MORC2: variants seen among roughly 807,000 people sequenced by gnomAD.
MORC2 encodes MORC family CW-type zinc finger 2.
MORC2 carries 30 observed loss-of-function variants against 136.0 expected under a neutral mutation model. The observed-to-expected ratio is 0.22, with a 90% confidence interval of 0.17 to 0.30. MORC2 has a LOEUF of 0.30. Among genes scored for constraint, MORC2 ranks in the 10% least tolerant of loss-of-function variants. The probability of loss-of-function intolerance (pLI) is 1.00; values close to 1 mark genes in which losing one functional copy is unlikely to be tolerated. For missense variants in MORC2, 922 were observed against 1,333.1 expected (o/e 0.69, Z 4.80); for synonymous variants, 439 against 487.0 (o/e 0.90, Z 1.30).
intron 6 of MORC2, among the ~76,000 whole-genome samples, chr22:30,942,540 G>C (rs2040755999): frequency 6.6e-6 from 1 of 152,040 alleles, no homozygotes; most frequent in African/African-American, 2.4e-5. Context: ...GGACGTCCCT[G>C]GTCATTTTCT....
At chr22:30,963,545 C>T (rs1019845402) in intron 1 of MORC2, among the ~76,000 whole-genome samples, 3 of 152,106 alleles carry the variant, frequency 2.0e-5, no homozygotes, top group Admixed American at 6.5e-5. Context: ...CTACCATGCC[C>T]GGCTAATTTT....
At chr22:30,958,805 C>A in intron 1 of MORC2, 111 bp from the exon 2 acceptor site, 1 of 953,372 alleles carries the variant, frequency 1.0e-6, no homozygotes. Context: ...CTTAAAACCA[C>A]CATTTGCATT....
chr22:30,938,497 G>T (rs187669362), intron 12 of MORC2, among the ~76,000 whole-genome samples: 1 of 152,238 alleles, frequency 6.6e-6, no homozygotes, highest in African/African-American at 2.4e-5. Context: ...TCTGTGCAAA[G>T]ACAATTATAT....
chr22:30,962,664 C>T (rs1375878450), intron 1 of MORC2, among the ~76,000 whole-genome samples: 2 of 150,972 alleles, frequency 1.3e-5, no homozygotes, highest in African/African-American at 4.9e-5. Flanking sequence ...TGCATACATA[C>T]ATATTTCAGA....
intron 17 of MORC2, 105 bp downstream of exon 17, chr22:30,936,406 G>C: frequency 6.7e-7 from 1 of 1,484,464 alleles, no homozygotes; most frequent in East Asian, 2.3e-5. Context: ...CGGGTGAGTG[G>C]AGGGTAAAAC....
chr22:30,936,017 A>C (rs1313237063), intron 17 of MORC2, among the ~76,000 whole-genome samples: 1 of 152,262 alleles, frequency 6.6e-6, no homozygotes, highest in Non-Finnish European at 1.5e-5. Flanking sequence ...AAAAAGCCAT[A>C]GAATTTTACA....
At chr22:30,958,185 ACT>A (rs2040993697) in intron 2 of MORC2, among the ~76,000 whole-genome samples, 1 of 152,252 alleles carries the variant, frequency 6.6e-6, no homozygotes, top group South Asian at 2.1e-4. Flanking sequence ...AATGAAAGAC[ACT>A]GTGATCATTT....
chr22:30,967,719 C>A, intron 1 of MORC2, 103 bp downstream of exon 1: 1 of 1,524,324 alleles, frequency 6.6e-7, no homozygotes, highest in Non-Finnish European at 8.8e-7. Flanking sequence ...CAGTGGGATA[C>A]ATCTCAAAAA....
chr22:30,934,322 G>A lies in MORC2; in HGVS notation c.2194-131C>T, dbSNP rs991477510. 1.8e-5 allele frequency: 24 copies of A among 1,344,662 alleles called. No homozygotes were observed. Among genetic ancestry groups the A allele is most frequent in the East Asian group, 1.7e-4 (7 of 40,364 alleles). 83.3% of individuals were successfully genotyped at this position (1,344,662 alleles called of 1,614,324 possible). On this transcript the variant is annotated intron_variant, in intron 19 of 25. Coordinates refer to ENST00000397641, the MANE Select transcript of MORC2 (RefSeq NM_001303256.3). This position sits in a 1 kb window ranked among gnomAD's most constrained non-coding sequence, Gnocchi z 4.4. The stretch of plus-strand genomic sequence containing the variant: ...CTGCAATCCCTGCCTGACATTACTT[G>A]GAATGTACACAGGCAACCCACTGGC...
chr22:30,944,871 C>A lies in MORC2; in HGVS notation c.426+1470G>T, dbSNP rs1388087158. Among the ~76,000 whole-genome samples the A allele has an allele frequency of 2.0e-5, 3 of 152,372 alleles. No individual in the cohort carries two copies. In the East Asian group the frequency reaches 5.8e-4, roughly 29 times the overall value. On this transcript the variant is annotated intron_variant, in intron 6 of 25. Coordinates refer to ENST00000397641, the MANE Select transcript of MORC2 (RefSeq NM_001303256.3). ...AAGCTACAGAGCCTGGGCCTCTCAA[C>A]TGGAACACTCCAACACTCACCCTAA...
chr22:30,950,486 C>T, intron 3 of MORC2, 41 bp from the exon 4 acceptor site: 1 of 1,586,164 alleles, frequency 6.3e-7, no homozygotes, highest in East Asian at 2.2e-5. Context: ...CGTTACCCAC[C>T]ACAGGGTGGC....
At chr22:30,938,481 T>C (rs1394740865) in intron 12 of MORC2, among the ~76,000 whole-genome samples, 6 of 152,220 alleles carry the variant, frequency 3.9e-5, no homozygotes, top group African/African-American at 1.4e-4. Context: ...ACGAAGCTGC[T>C]GCAAATCTGT....
intron 25 of MORC2, 29 bp from the exon 26 acceptor site, chr22:30,926,900 G>A (rs200648678): frequency 1.9e-5 from 31 of 1,597,710 alleles, no homozygotes; most frequent in Non-Finnish European, 2.5e-5. Flanking sequence ...GGGATCAACT[G>A]GGGGCCAGAA....
At chr22:30,935,347 G>A in intron 17 of MORC2, 25 bp from the exon 18 acceptor site, 1 of 1,608,180 alleles carries the variant, frequency 6.2e-7, no homozygotes, top group Non-Finnish European at 8.5e-7. Context: ...TCATGATGAA[G>A]TTGTTTGCAT....
At chr22:30,946,272 C>G (rs2040813754) in intron 6 of MORC2, 69 bp downstream of exon 6, 1 of 1,279,128 alleles carries the variant, frequency 7.8e-7, no homozygotes, top group Non-Finnish European at 1.1e-6. Context: ...TGCAAATAAC[C>G]TACGAAAACC....
chr22:30,965,833 G>A (rs1197030045), intron 1 of MORC2, among the ~76,000 whole-genome samples: 2 of 152,356 alleles, frequency 1.3e-5, no homozygotes, highest in East Asian at 3.9e-4. Flanking sequence ...CTTTTAAACT[G>A]TGAAGTATAC....
At chr22:30,950,336 C>CGCA in intron 4 of MORC2, 41 bp downstream of exon 4, 3 of 764,018 alleles carry the variant, frequency 3.9e-6, no homozygotes, top group Non-Finnish European at 2.4e-6. Flanking sequence ...ATGGTTACAT[C>CGCA]GCACCCCCCC....
At chr22:30,960,007 G>A (rs2041020549) in intron 1 of MORC2, among the ~76,000 whole-genome samples, 2 of 151,954 alleles carry the variant, frequency 1.3e-5, no homozygotes, top group Non-Finnish European at 2.9e-5. Context: ...CGCTCTTGTC[G>A]CCCAGGCTGG....
At chr22:30,929,515 G>A (rs1480343220) in intron 24 of MORC2, among the ~76,000 whole-genome samples, 3 of 152,152 alleles carry the variant, frequency 2.0e-5, no homozygotes, top group Non-Finnish European at 2.9e-5. Context: ...TTGGGAGGCC[G>A]AGGCAGGTGG....
Sources: allele counts gnomAD v4.1 joint callset (sites outside exome capture counted in the v4.1 genomes callset), GRCh38; gene constraint gnomAD v4.1.1; non-coding constraint Gnocchi (gnomAD v3.1); transcripts MANE v1.5; gene names NCBI Gene and HGNC (gene_info 2026-07-23, HGNC 2026-07-21).